COL14A1: variants seen among roughly 807,000 people sequenced by gnomAD.
COL14A1 encodes the protein collagen type XIV alpha 1 chain, also known as collagen alpha-1(XIV) chain.
In COL14A1, 136 loss-of-function variants were observed where a neutral mutation model predicts 230.3. The observed-to-expected ratio is 0.59, with a 90% confidence interval of 0.51 to 0.68. COL14A1 has a LOEUF of 0.68. Among genes scored for constraint, COL14A1 ranks in the 30% least tolerant of loss-of-function variants. COL14A1 has a pLI of 0.00. For missense variants in COL14A1, 1,976 were observed against 2,215.8 expected (o/e 0.89, Z 2.17); for synonymous variants, 792 against 784.1 (o/e 1.01, Z -0.17).
At chr8:120,271,016 A>G (rs1819650064) in intron 26 of COL14A1, among the ~76,000 whole-genome samples, 1 of 151,838 alleles carries the variant, frequency 6.6e-6, no homozygotes, top group Non-Finnish European at 1.5e-5. Flanking sequence ...AATGTGGTAC[A>G]TATACATCAT....
At chr8:120,182,643 ATTAAC>A (rs1335668747) in intron 5 of COL14A1, among the ~76,000 whole-genome samples, 1 of 152,052 alleles carries the variant, frequency 6.6e-6, no homozygotes. Flanking sequence ...TTGGGTCAAT[ATTAAC>A]TTAAGGAAAT....
chr8:120,216,199 T>C (rs1046864650), intron 13 of COL14A1, 152 bp from the exon 14 acceptor site: 4 of 605,022 alleles, frequency 6.6e-6, no homozygotes, highest in Non-Finnish European at 8.2e-6. Flanking sequence ...TATTGATTTT[T>C]ATGAGACAAT....
intron 45 of COL14A1, among the ~76,000 whole-genome samples, chr8:120,353,942 G>A (rs532034787): frequency 0.012 from 1,725 of 145,926 alleles, 41 homozygotes; most frequent in African/African-American, 0.041. Context: ...ACATGCACAT[G>A]TATGTTTATT....
At chr8:120,176,063 T>C (rs2130617004) in intron 5 of COL14A1, among the ~76,000 whole-genome samples, 1 of 152,356 alleles carries the variant, frequency 6.6e-6, no homozygotes, top group East Asian at 1.9e-4. Context: ...ATTTTATATA[T>C]AGCACTTACT....
At chr8:120,184,185 T>G (rs1331432238) in intron 5 of COL14A1, among the ~76,000 whole-genome samples, 1 of 151,736 alleles carries the variant, frequency 6.6e-6, no homozygotes, top group Non-Finnish European at 1.5e-5. Context: ...TGTGTGTATG[T>G]GTGAGATGTG....
At chr8:120,328,093 G>A (rs192009287) in intron 40 of COL14A1, among the ~76,000 whole-genome samples, 10 of 152,266 alleles carry the variant, frequency 6.6e-5, no homozygotes, top group African/African-American at 2.2e-4. Flanking sequence ...TGTCAGTAAT[G>A]TGTTAAGAAA....
chr8:120,369,332 C>A lies in COL14A1; in HGVS notation c.5158C>A (p.Pro1720Thr). The part of the protein sequence containing the change: ...GPRGPPGPAG[P>T]SGESRPGSPG... ...TTTCATCTGTGGGTACTTCTTAGGA[C>A]CTTCAGGGGAGAGTCGGCCTGGCAG... The change falls in exon 47 of 48, where the codon CCT becomes ACT. Residue 1720 changes from proline (P) to threonine (T), a missense_variant and splice_region_variant. Physicochemically the swap from Pro to Thr is conservative, Grantham distance 38. Around this residue, in one of 3 missense-constraint regions of COL14A1, gnomAD observed 1,791 missense variants for 2,019.5 expected, o/e 0.89. Transcript: ENST00000297848. The A allele has an allele frequency of 6.4e-7, 1 of 1,567,824 alleles. No individual in the cohort carries two copies. Among genetic ancestry groups the A allele is most frequent in the South Asian group, 1.2e-5 (1 of 83,994 alleles).
At chr8:120,166,926 G>GTGA (rs1486231856) in intron 4 of COL14A1, among the ~76,000 whole-genome samples, 3 of 147,976 alleles carry the variant, frequency 2.0e-5, no homozygotes, top group Admixed American at 6.7e-5. Context: ...GTGTGTGGTG[G>GTGA]TGATGATGGT....
At chr8:120,153,300 A>G (rs1815350362) in intron 2 of COL14A1, among the ~76,000 whole-genome samples, 5 of 152,062 alleles carry the variant, frequency 3.3e-5, no homozygotes, top group Admixed American at 1.3e-4. Context: ...CTCCTATCTC[A>G]GCCTCCTGAG....
chr8:120,363,404 C>T (rs1337895694), intron 45 of COL14A1, among the ~76,000 whole-genome samples: 1 of 152,098 alleles, frequency 6.6e-6, no homozygotes, highest in Non-Finnish European at 1.5e-5. Context: ...GGGAACAACA[C>T]ATACTGGGAC....
At chr8:120,158,476 GT>G (rs1815554319) in intron 3 of COL14A1, among the ~76,000 whole-genome samples, 1 of 152,160 alleles carries the variant, frequency 6.6e-6, no homozygotes, top group Admixed American at 6.5e-5. Flanking sequence ...CAATCAACAA[GT>G]TTTATTTTCT....
At chr8:120,209,946 T>A in intron 12 of COL14A1, 45 bp downstream of exon 12, 1 of 1,313,106 alleles carries the variant, frequency 7.6e-7, no homozygotes, top group Non-Finnish European at 9.9e-7. Context: ...TTTTATTTCC[T>A]TAAATAAAAT....
At chr8:120,250,523 C>T in intron 21 of COL14A1, 94 bp from the exon 22 acceptor site, 1 of 1,370,420 alleles carries the variant, frequency 7.3e-7, no homozygotes, top group Non-Finnish European at 1.0e-6. Context: ...TCCCAGGCAA[C>T]TGAAAAGCAG....
At position 120,280,062 on chromosome 8, in the gene COL14A1, T is replaced by A. The variant is rs1819990044; in HGVS notation, c.3609T>A (p.Asp1203Glu). The change falls in exon 29 of 48, where the codon GAT (aspartate) becomes GAA (glutamate). Residue 1203 changes from aspartate (D) to glutamate (E), a missense_variant. By Grantham distance (45) the Asp-to-Glu change is conservative. Around this residue, in one of 3 missense-constraint regions of COL14A1, gnomAD observed 1,791 missense variants for 2,019.5 expected, o/e 0.89. Transcript: ENST00000297848. ...TTGACGCCTTTAAGAAAATCGAAGA[T>A]GAGTTAATTACTTTTGTCTGCGAAA... ...DDFDAFKKIE[D>E]ELITFVCETA... 2 of 1,613,718 alleles carry A rather than the reference T, an allele frequency of 1.2e-6. No individual in the cohort carries two copies. The highest frequency in any genetic ancestry group is 2.7e-5 in the African/African-American group (2 of 74,904).
chr8:120,168,728 T>C lies in COL14A1; in HGVS notation c.436+481T>C, dbSNP rs1409848848. 3.3e-5 allele frequency among the ~76,000 whole-genome samples: 5 copies of C among 152,224 alleles called. No individual in the cohort carries two copies. The East Asian group carries it at 5.8e-4, about 18-fold the overall frequency. On this transcript the variant is annotated intron_variant, in intron 5 of 47. Transcript: ENST00000297848. The stretch of plus-strand genomic sequence containing the variant: ...TTCTTTGGGATAAAATGCGTTGATA[T>C]GTGTAAAATACTTAGAACTTTGCCT...
intron 26 of COL14A1, among the ~76,000 whole-genome samples, chr8:120,270,412 A>G (rs933023456): frequency 6.6e-6 from 1 of 151,692 alleles, no homozygotes; most frequent in Non-Finnish European, 1.5e-5. Context: ...TAGAAAGTCC[A>G]TGTCAGGGTG....
chr8:120,351,288 A>G (rs1447104897), intron 45 of COL14A1, among the ~76,000 whole-genome samples: 2 of 143,952 alleles, frequency 1.4e-5, no homozygotes, highest in Non-Finnish European at 3.0e-5. Context: ...GAAAGCAGGA[A>G]AGATCCAAAA....
In COL14A1 at chr8:120,349,321, C is replaced by CA. The variant is rs1289987620; in HGVS notation, c.5077+3759dup. ...CAGAAAAACTGGAAGCTCTGAAAAT[C>CA]AGAGTGCCTCTCCTCCTCCAAGGGA... On this transcript the variant is annotated intron_variant, in intron 45 of 47. Transcript: ENST00000297848. Among the ~76,000 whole-genome samples the CA allele has an allele frequency of 8.7e-5, 13 of 149,234 alleles. No homozygotes were observed. In the East Asian group the frequency reaches 2.5e-3, roughly 29 times the overall value.
At chr8:120,259,533 C>T (rs1819262359) in intron 23 of COL14A1, among the ~76,000 whole-genome samples, 1 of 152,146 alleles carries the variant, frequency 6.6e-6, no homozygotes, top group Non-Finnish European at 1.5e-5. Flanking sequence ...CCAAAAGCAA[C>T]ATGGATACAC....
Sources: gnomAD v4.1 joint callset for allele counts (sites outside exome capture counted in the v4.1 genomes callset) on GRCh38, gnomAD v4.1.1 for gene constraint, gnomAD v4.1.1 regional missense constraint, MANE v1.5 for transcripts, NCBI Gene and HGNC (gene_info 2026-07-23, HGNC 2026-07-21) for gene names.